Variants in ROBO2 observed in about 807,000 individuals in gnomAD.
ROBO2 encodes the protein roundabout guidance receptor 2.
Under a neutral mutation model 160.8 loss-of-function variants are expected in ROBO2, and 53 were observed. The ratio of observed to expected loss-of-function variants is 0.33; its 90% CI spans 0.26 to 0.41. The LOEUF is 0.41. ROBO2 is among the 10% of genes least tolerant of loss of function. ROBO2 has a pLI of 1.00. For missense variants in ROBO2, 1,577 were observed against 1,722.4 expected (o/e 0.92, Z 1.49); for synonymous variants, 664 against 611.7 (o/e 1.09, Z -1.26).
intron 2 of ROBO2, among the ~76,000 whole-genome samples, chr3:76,820,401 G>T (rs956666273): frequency 5.3e-5 from 8 of 151,822 alleles, no homozygotes; most frequent in Admixed American, 2.0e-4. Flanking sequence ...CATATACAGT[G>T]GTGAAAACCC....
intron 2 of ROBO2, among the ~76,000 whole-genome samples, chr3:76,829,686 G>C (rs1159296689): frequency 1.1e-5 from 1 of 92,964 alleles, no homozygotes; most frequent in Non-Finnish European, 2.2e-5. Context: ...TTTTTTTTTT[G>C]AGATAGAGTT....
intron 2 of ROBO2, among the ~76,000 whole-genome samples, chr3:76,470,305 T>C (rs2078588166): frequency 6.6e-6 from 1 of 152,206 alleles, no homozygotes; most frequent in South Asian, 2.1e-4. Flanking sequence ...CTTAGTGACT[T>C]AGGACAAAGC....
At chr3:76,135,208 G>A (rs1029932837) in intron 2 of ROBO2, among the ~76,000 whole-genome samples, 1 of 152,068 alleles carries the variant, frequency 6.6e-6, no homozygotes, top group Admixed American at 6.6e-5. Flanking sequence ...CACAAGAGGG[G>A]CAGGGGAATC....
At chr3:76,230,561 TC>T (rs1704561527) in intron 2 of ROBO2, among the ~76,000 whole-genome samples, 1 of 152,150 alleles carries the variant, frequency 6.6e-6, no homozygotes, top group African/African-American at 2.4e-5. Context: ...CCATGAATAC[TC>T]TTTCCCTGGC....
intron 2 of ROBO2, among the ~76,000 whole-genome samples, chr3:76,981,742 G>C (rs2060109980): frequency 6.6e-6 from 1 of 152,262 alleles, no homozygotes; most frequent in Admixed American, 6.5e-5. Flanking sequence ...GCATAGTGCT[G>C]ACATCAGCTT....
chr3:76,294,620 A>T (rs1708976325), intron 2 of ROBO2, among the ~76,000 whole-genome samples: 1 of 152,214 alleles, frequency 6.6e-6, no homozygotes, highest in Non-Finnish European at 1.5e-5. Flanking sequence ...GTGACGGTAG[A>T]ATGCTTCTCC....
intron 2 of ROBO2, among the ~76,000 whole-genome samples, chr3:76,329,150 C>G (rs986740410): frequency 6.6e-6 from 1 of 151,980 alleles, no homozygotes; most frequent in Non-Finnish European, 1.5e-5. Flanking sequence ...ACCCCAAGTC[C>G]CCCACGGAGA....
intron 2 of ROBO2, among the ~76,000 whole-genome samples, chr3:76,809,113 G>T (rs2064966143): frequency 6.6e-6 from 1 of 152,110 alleles, no homozygotes; most frequent in Non-Finnish European, 1.5e-5. Flanking sequence ...TATACTTAGT[G>T]GTTTAAAACA....
intron 23 of ROBO2, among the ~76,000 whole-genome samples, chr3:77,624,462 T>C (rs1486941210): frequency 6.6e-6 from 1 of 152,040 alleles, no homozygotes; most frequent in Non-Finnish European, 1.5e-5. Context: ...TGTGCATGCA[T>C]GCATGCAGAC....
At chr3:76,478,459 T>C (rs1358509740) in intron 2 of ROBO2, among the ~76,000 whole-genome samples, 3 of 151,856 alleles carry the variant, frequency 2.0e-5, no homozygotes, top group Non-Finnish European at 4.4e-5. Context: ...TCCAAGTCTT[T>C]TGGGAAAACT....
intron 2 of ROBO2, among the ~76,000 whole-genome samples, chr3:76,173,791 C>G (rs1391069833): frequency 6.6e-6 from 1 of 152,122 alleles, no homozygotes. Flanking sequence ...GTTTCCAAGT[C>G]TTTGCTATCG....
At chr3:76,047,085 C>A (rs1221747335) in intron 2 of ROBO2, among the ~76,000 whole-genome samples, 4 of 152,112 alleles carry the variant, frequency 2.6e-5, no homozygotes, top group African/African-American at 4.8e-5. Context: ...GGATCTCTAT[C>A]GATGCTGTAC....
At chr3:76,141,719 A>T (rs1448069973) in intron 2 of ROBO2, among the ~76,000 whole-genome samples, 1 of 151,964 alleles carries the variant, frequency 6.6e-6, no homozygotes, top group Non-Finnish European at 1.5e-5. Flanking sequence ...AAGTATTTGA[A>T]GATTGGTTTA....
At chr3:76,476,054 G>A (rs947749757) in intron 2 of ROBO2, among the ~76,000 whole-genome samples, 3 of 152,144 alleles carry the variant, frequency 2.0e-5, no homozygotes, top group Non-Finnish European at 2.9e-5. Flanking sequence ...TTGGGAGGCC[G>A]AGGCAGGAGA....
At chr3:76,942,490 C>G (rs9852659) in intron 2 of ROBO2, among the ~76,000 whole-genome samples, 1 of 152,220 alleles carries the variant, frequency 6.6e-6, no homozygotes, top group Non-Finnish European at 1.5e-5. Context: ...GGAAGCACCA[C>G]TGATGTTTGA....
intron 2 of ROBO2, among the ~76,000 whole-genome samples, chr3:77,172,850 AG>A (rs2079771980): frequency 6.6e-6 from 1 of 152,240 alleles, no homozygotes; most frequent in Admixed American, 6.5e-5. Flanking sequence ...AACCCAAGGC[AG>A]GGCCCAGGCC....
intron 2 of ROBO2, among the ~76,000 whole-genome samples, chr3:77,369,612 C>A (rs1024319543): frequency 6.6e-6 from 1 of 152,270 alleles, no homozygotes; most frequent in South Asian, 2.1e-4. Context: ...TAGAACCATG[C>A]TCACTTGTGA....
rs577135863 is a variant in ROBO2, at chr3:76,133,834, C to A, written c.109+196232C>A. Among the ~76,000 whole-genome samples, 7 of 152,130 alleles carry A rather than the reference C, an allele frequency of 4.6e-5. No individual in the cohort carries two copies. In the East Asian group the frequency reaches 1.4e-3, roughly 29 times the overall value. The stretch of plus-strand genomic sequence containing the variant: ...CTGATTAGGCGGTGCCCACCCAGAT[C>A]GAGGGTGGATCTGCCTTTCCCATCC... On this transcript the variant is annotated intron_variant, in intron 2 of 26. Transcript: ENST00000487694.
At chr3:76,088,043 G>A (rs2069088820) in intron 2 of ROBO2, among the ~76,000 whole-genome samples, 2 of 152,012 alleles carry the variant, frequency 1.3e-5, no homozygotes, top group Admixed American at 1.3e-4. Flanking sequence ...GATATACTAT[G>A]CTAACACTAA....
Sources: allele counts gnomAD v4.1 joint callset (sites outside exome capture counted in the v4.1 genomes callset), GRCh38; gene constraint gnomAD v4.1.1; transcripts MANE v1.5; gene names NCBI Gene and HGNC (gene_info 2026-07-23, HGNC 2026-07-21).